Variants in HSBP1 observed in about 807,000 individuals in gnomAD.
HSBP1 encodes heat shock factor-binding protein 1.
In HSBP1, 5 loss-of-function variants were observed where a neutral mutation model predicts 9.6. The ratio of observed to expected loss-of-function variants is 0.52; its 90% CI spans 0.27 to 1.09. The LOEUF (loss-of-function observed/expected upper bound fraction) is 1.09. HSBP1 is among the 50% of genes least tolerant of loss of function. HSBP1 has a pLI of 0.11. For synonymous variants in HSBP1, 42 were observed against 33.3 expected (o/e 1.26, Z -0.90); for missense variants, 121 against 96.3 (o/e 1.26, Z -1.07).
In HSBP1 at chr16:83,817,624, T is replaced by G. The variant is rs1344857087; in HGVS notation, c.*6206T>G. On this transcript the variant is annotated 3_prime_UTR_variant, in exon 4 of 4. Transcript: ENST00000433866. ...TACCTCTTACCTTGGTCTTTACAAG[T>G]TGCTGTCAAAACCCAGTAAGTGTTT... The G allele has an allele frequency of 6.6e-6, 1 of 152,368 alleles. No homozygotes were observed. The highest frequency in any genetic ancestry group is 2.1e-4 in the South Asian group (1 of 4,826). The allele number at this position is 152,368 out of a possible 1,614,324, so 9.4% of individuals were successfully genotyped here. A position where few individuals can be genotyped will look rare whatever the true frequency, so the allele number is the denominator to read the frequency against.
chr16:83,813,795 GCTT>G lies in HSBP1; in HGVS notation c.*2382_*2384del, dbSNP rs1904657761. ...CTGTCTCAAACCCCAAGGCCCCACAGCTTCTTCATTTGGCCCCTAGTTCATCCT... is the reference window on the plus strand; with the variant it reads ...CTGTCTCAAACCCCAAGGCCCCACAGCTTCATTTGGCCCCTAGTTCATCCT... On this transcript the variant is annotated 3_prime_UTR_variant, in exon 4 of 4. Coordinates refer to ENST00000433866, the MANE Select transcript of HSBP1 (RefSeq NM_001537.4). 1 of 152,152 alleles carries G rather than the reference GCTT, an allele frequency of 6.6e-6. No homozygotes were observed. The highest frequency in any genetic ancestry group is 2.4e-5 in the African/African-American group (1 of 41,416). The allele number at this position is 152,152 out of a possible 1,614,324, so 9.4% of individuals were successfully genotyped here.
At chr16:83,808,187 G>C in intron 1 of HSBP1, 66 bp downstream of exon 1, 3 of 1,351,328 alleles carry the variant, frequency 2.2e-6, no homozygotes, top group Non-Finnish European at 3.0e-6. Context: ...AAGCCCTGCT[G>C]GACAGAGGCG....
At chr16:83,810,300 C>A (rs1904570810) in intron 3 of HSBP1, among the ~76,000 whole-genome samples, 1 of 152,018 alleles carries the variant, frequency 6.6e-6, no homozygotes. Flanking sequence ...TTCAAAGTAC[C>A]TACACAGCAA....
rs1162808108 is a variant in HSBP1, at chr16:83,813,090, C to G, written c.*1672C>G. 1.3e-5 allele frequency: 2 copies of G among 151,990 alleles called. No individual in the cohort carries two copies. Among genetic ancestry groups the G allele is most frequent in the Non-Finnish European group, 2.9e-5 (2 of 68,058 alleles). The allele number at this position is 151,990 out of a possible 1,614,324, so 9.4% of individuals were successfully genotyped here. A position where few individuals can be genotyped will look rare whatever the true frequency, so the allele number is the denominator to read the frequency against. ...CTAAAACCTCTGGACGGATTAAGTA[C>G]AAGTAGCCCAAGGCAAAGCAGGAGA... On this transcript the variant is annotated 3_prime_UTR_variant, in exon 4 of 4. Coordinates refer to ENST00000433866, the MANE Select transcript of HSBP1 (RefSeq NM_001537.4).
At chr16:83,810,618 G>A (rs1904580535) in intron 3 of HSBP1, among the ~76,000 whole-genome samples, 1 of 150,428 alleles carries the variant, frequency 6.6e-6, no homozygotes, top group Non-Finnish European at 1.5e-5. Context: ...GGGCAGATCA[G>A]TTGATGTGAG....
intron 1 of HSBP1, 156 bp from the exon 2 acceptor site, chr16:83,808,524 A>C (rs1904516725): frequency 3.3e-6 from 2 of 611,436 alleles, no homozygotes; most frequent in Admixed American, 5.9e-5. Flanking sequence ...AGGTTGGAAA[A>C]CGGAAGCCCA....
chr16:83,809,011 G>C (rs540143442), intron 2 of HSBP1: 2 of 549,352 alleles, frequency 3.6e-6, no homozygotes, highest in South Asian at 4.9e-5. Flanking sequence ...GCTTTTGTGT[G>C]TGTCTTTTGA....
At position 83,815,149 on chromosome 16, in the gene HSBP1, A is replaced by C. The variant is rs939761217; in HGVS notation, c.*3731A>C. ...GCAGCCACTTGAGAACTTTTCAATG[A>C]ATGAAAATGAGGGAGGGGAGATGCA... is the stretch of plus-strand genomic sequence containing the variant. On this transcript the variant is annotated 3_prime_UTR_variant, in exon 4 of 4. Coordinates refer to ENST00000433866, the MANE Select transcript of HSBP1 (RefSeq NM_001537.4). The C allele has an allele frequency of 6.6e-6, 1 of 152,170 alleles. No homozygotes were observed. Among genetic ancestry groups the C allele is most frequent in the African/African-American group, 2.4e-5 (1 of 41,438 alleles). The allele number at this position is 152,170 out of a possible 1,614,324, so 9.4% of individuals were successfully genotyped here.
At position 83,808,773 on chromosome 16, in the gene HSBP1, C is replaced by T. The variant is rs551573832; in HGVS notation, c.112+27C>T. The stretch of plus-strand genomic sequence containing the variant: ...TATCCTTTTTATCTGCAGTCGGCCT[C>T]CTGTGGGCCTTTGGAGCCTATTTGC... On this transcript the variant is annotated intron_variant, in intron 2 of 3. Coordinates refer to ENST00000433866, the MANE Select transcript of HSBP1 (RefSeq NM_001537.4). 1.3e-5 allele frequency: 20 copies of T among 1,570,058 alleles called. No homozygotes were observed. In the African/African-American group the frequency reaches 1.6e-4, roughly 13 times the overall value.
In HSBP1 at chr16:83,817,196, T is replaced by G. The variant is rs1000173691; in HGVS notation, c.*5778T>G. On this transcript the variant is annotated 3_prime_UTR_variant, in exon 4 of 4. Transcript: ENST00000433866. ...CTGTCTACTGCGAACCGTCCGATGA[T>G]GTAATTCACCAAGTTCCATGGGATT... is the stretch of plus-strand genomic sequence containing the variant. The G allele has an allele frequency of 5.9e-5, 9 of 152,212 alleles. No homozygotes were observed. Among genetic ancestry groups the G allele is most frequent in the Non-Finnish European group, 1.2e-4 (8 of 68,038 alleles). The allele number at this position is 152,212 out of a possible 1,614,324, so 9.4% of individuals were successfully genotyped here.
intron 3 of HSBP1, among the ~76,000 whole-genome samples, chr16:83,811,108 C>A (rs1019015424): frequency 2.6e-5 from 4 of 152,184 alleles, no homozygotes; most frequent in Non-Finnish European, 5.9e-5. Context: ...TCAGATGCTT[C>A]TGTGGGTCTC....
At position 83,809,386 on chromosome 16, in the gene HSBP1, A is replaced by G. The variant is rs774719831; in HGVS notation, c.194A>G (p.Glu65Gly). 3.3e-5 allele frequency: 53 copies of G among 1,604,788 alleles called. No homozygotes were observed. Among genetic ancestry groups the G allele is most frequent in the Non-Finnish European group, 4.2e-5 (49 of 1,175,578 alleles). Residue 65 changes from glutamate (E) to glycine (G), a missense_variant, in exon 3 of 4, where the codon GAA (glutamate) becomes GGA (glycine). Transcript: ENST00000433866. ...LMTQAGVEEL[E>G]SENKIPATQK... ...ACACAGGCTGGGGTGGAAGAACTGG[A>G]AAGTGAAAACAAGATACCTGCCACG...
At chr16:83,809,187 G>A (rs8053753) in intron 2 of HSBP1, 118 bp from the exon 3 acceptor site, 2 of 672,328 alleles carry the variant, frequency 3.0e-6, no homozygotes, top group East Asian at 2.8e-5. Flanking sequence ...TAACAGTGTC[G>A]AAAGAAAATT....
In HSBP1 at chr16:83,818,424, C is replaced by G. The variant is rs1312663753; in HGVS notation, c.*7006C>G. On this transcript the variant is annotated 3_prime_UTR_variant, in exon 4 of 4. Coordinates refer to ENST00000433866, the MANE Select transcript of HSBP1 (RefSeq NM_001537.4). ...CTGCCAGACATTTCTTGGATTTATT[C>G]AAGCTGACTTGTATTCCAGAACAAT... The G allele has an allele frequency of 6.6e-6, 1 of 152,210 alleles. No homozygotes were observed. Among genetic ancestry groups the G allele is most frequent in the African/African-American group, 2.4e-5 (1 of 41,448 alleles). 9.4% of individuals were successfully genotyped at this position (152,210 alleles called of 1,614,324 possible).
intron 1 of HSBP1, 44 bp downstream of exon 1, chr16:83,808,165 C>T: frequency 6.6e-7 from 1 of 1,510,236 alleles, no homozygotes; most frequent in African/African-American, 1.4e-5. Flanking sequence ...CCTTCCCGGG[C>T]GGCGCCGGGC....
At chr16:83,810,194 A>G (rs564612611) in intron 3 of HSBP1, among the ~76,000 whole-genome samples, 2 of 151,942 alleles carry the variant, frequency 1.3e-5, no homozygotes, top group South Asian at 2.1e-4. Flanking sequence ...GTAACTTGAC[A>G]TAGGTGAACT....
intron 3 of HSBP1, among the ~76,000 whole-genome samples, chr16:83,811,111 T>C (rs2151030858): frequency 6.6e-6 from 1 of 152,320 alleles, no homozygotes; most frequent in Non-Finnish European, 1.5e-5. Context: ...GATGCTTCTG[T>C]GGGTCTCTTT....
In HSBP1 at chr16:83,817,576, G is replaced by A. The variant is rs749228559; in HGVS notation, c.*6158G>A. The A allele has an allele frequency of 6.6e-6, 1 of 152,156 alleles. No homozygotes were observed. The highest frequency in any genetic ancestry group is 1.5e-5 in the Non-Finnish European group (1 of 68,030). The allele number at this position is 152,156 out of a possible 1,614,324, so 9.4% of individuals were successfully genotyped here. On this transcript the variant is annotated 3_prime_UTR_variant, in exon 4 of 4. Transcript: ENST00000433866. The stretch of plus-strand genomic sequence containing the variant: ...TAATCAGCCTTCAAAACCTCCATTT[G>A]TAAACCATTGCTGTAGTTTTATTAC...
intron 3 of HSBP1, 37 bp downstream of exon 3, chr16:83,809,462 C>CTTTTTTTTTTTTTTTTTTT: frequency 2.5e-6 from 1 of 406,036 alleles, no homozygotes; most frequent in Non-Finnish European, 4.0e-6. Context: ...CTTTTCTTTT[C>CTTTTTTTTTTTTTTTTTTT]TTTTTTTTTT....
Sources: allele counts gnomAD v4.1 joint callset (sites outside exome capture counted in the v4.1 genomes callset), GRCh38; gene constraint gnomAD v4.1.1; transcripts MANE v1.5; gene names NCBI Gene and HGNC (gene_info 2026-07-23, HGNC 2026-07-21).